Variants in SHISA9 observed in about 807,000 individuals in gnomAD.
SHISA9 encodes protein shisa-9.
In SHISA9, 13 loss-of-function variants were observed where a neutral mutation model predicts 38.0. That is an observed-to-expected ratio of 0.34 (90% CI 0.22 to 0.54). The LOEUF (loss-of-function observed/expected upper bound fraction) is 0.54. Among genes scored for constraint, SHISA9 ranks in the 20% least tolerant of loss-of-function variants. The pLI is 0.91. For missense variants in SHISA9, 538 were observed against 575.8 expected, an observed-to-expected ratio of 0.93 and a Z score of 0.67; for synonymous variants, 275 against 242.0, an observed-to-expected ratio of 1.14 and a Z score of -1.27.
At chr16:13,252,975 T>G in the SHISA9 span, among the ~76,000 whole-genome samples, 1 of 152,194 alleles carries the variant, frequency 6.6e-6, no homozygotes, top group Non-Finnish European at 1.5e-5. Flanking sequence ...CTCTTCTCAC[T>G]CCTCTTCTTT....
intron 2 of SHISA9, among the ~76,000 whole-genome samples, chr16:12,927,144 T>C (rs1482460684): frequency 6.6e-6 from 1 of 152,152 alleles, no homozygotes; most frequent in East Asian, 1.9e-4. Context: ...TCGTAATACA[T>C]ATATTAAAAT....
chr16:13,036,926 T>C (rs2073074415), intron 2 of SHISA9, among the ~76,000 whole-genome samples: 1 of 152,160 alleles, frequency 6.6e-6, no homozygotes, highest in Admixed American at 6.6e-5. Flanking sequence ...AAGCCCTATT[T>C]ATATGAATTA....
intron 2 of SHISA9, among the ~76,000 whole-genome samples, chr16:13,121,960 A>C (rs2050215634): frequency 1.3e-5 from 2 of 152,082 alleles, no homozygotes; most frequent in African/African-American, 4.8e-5. Context: ...AATGATAATA[A>C]AAGCAATCCC....
At chr16:13,072,267 A>T (rs1228820543) in intron 2 of SHISA9, among the ~76,000 whole-genome samples, 1 of 152,200 alleles carries the variant, frequency 6.6e-6, no homozygotes, top group African/African-American at 2.4e-5. Flanking sequence ...GATCAAAGTT[A>T]ATGAAGCCTG....
At chr16:13,037,080 ACAC>A (rs879407851) in intron 2 of SHISA9, among the ~76,000 whole-genome samples, 3,845 of 100,492 alleles carry the variant, frequency 0.038, 264 homozygotes, top group African/African-American at 0.12. Flanking sequence ...ACACACACAC[ACAC>A]CACACCACAC....
At chr16:13,445,110 C>T in the SHISA9 span, among the ~76,000 whole-genome samples, 1 of 150,962 alleles carries the variant, frequency 6.6e-6, no homozygotes, top group East Asian at 2.0e-4. Context: ...AGTCCACCCA[C>T]CTCGGCCTCC....
At chr16:13,015,000 A>G (rs532992505) in intron 2 of SHISA9, among the ~76,000 whole-genome samples, 1 of 152,190 alleles carries the variant, frequency 6.6e-6, no homozygotes, top group Non-Finnish European at 1.5e-5. Context: ...ATCCTAATAA[A>G]TGGCTGGTTA....
the SHISA9 span, among the ~76,000 whole-genome samples, chr16:13,516,482 T>G: frequency 6.6e-6 from 1 of 152,104 alleles, no homozygotes; most frequent in African/African-American, 2.4e-5. Flanking sequence ...ACTGAAAAGG[T>G]ATTTGTGGGA....
chr16:13,364,149 G>A, the SHISA9 span, among the ~76,000 whole-genome samples: 8 of 152,354 alleles, frequency 5.3e-5, no homozygotes, highest in East Asian at 1.5e-3. Flanking sequence ...CATCTTTATT[G>A]TCATTGGCTT....
intron 2 of SHISA9, among the ~76,000 whole-genome samples, chr16:13,181,902 G>A (rs935706521): frequency 6.6e-6 from 1 of 152,182 alleles, no homozygotes; most frequent in African/African-American, 2.4e-5. Flanking sequence ...AAGGGAACCA[G>A]CAAAGAATGA....
the SHISA9 span, among the ~76,000 whole-genome samples, chr16:13,290,453 G>A: frequency 6.6e-6 from 1 of 152,000 alleles, no homozygotes; most frequent in Non-Finnish European, 1.5e-5. Context: ...GATGGAAGCT[G>A]ATTTCAAAAC....
intron 2 of SHISA9, among the ~76,000 whole-genome samples, chr16:12,984,824 C>A (rs2072285655): frequency 6.6e-6 from 1 of 152,152 alleles, no homozygotes; most frequent in Non-Finnish European, 1.5e-5. Context: ...GCTGCTGGAG[C>A]CACCCTATAT....
At chr16:13,458,827 AAATT>A in the SHISA9 span, 54 of 179,248 alleles carry the variant, frequency 3.0e-4, no homozygotes, top group African/African-American at 1.2e-3. Flanking sequence ...GACTTCCAAT[AAATT>A]CTCGGGTTTT....
chr16:13,489,975 A>G, the SHISA9 span, among the ~76,000 whole-genome samples: 1 of 152,210 alleles, frequency 6.6e-6, no homozygotes, highest in South Asian at 2.1e-4. Context: ...AAAAAGAGGC[A>G]TGCATGGGAT....
intron 2 of SHISA9, among the ~76,000 whole-genome samples, chr16:13,149,934 A>G (rs2050482517): frequency 1.8e-5 from 2 of 111,456 alleles, no homozygotes; most frequent in South Asian, 7.3e-4. Flanking sequence ...CAAAAAAAAG[A>G]AAAAAAAAAA....
At chr16:13,162,873 C>T (rs1182157172) in intron 2 of SHISA9, among the ~76,000 whole-genome samples, 1 of 151,932 alleles carries the variant, frequency 6.6e-6, no homozygotes, top group Non-Finnish European at 1.5e-5. Context: ...GGGTTTTGAG[C>T]ACATCTTATT....
Position 13,235,518 on chromosome 16 carries a change from A to T in SHISA9, c.*109A>T. The T allele has an allele frequency of 7.6e-7, 1 of 1,309,552 alleles. No homozygotes were observed. Among genetic ancestry groups the T allele is most frequent in the Non-Finnish European group, 1.0e-6 (1 of 983,000 alleles). 81.1% of individuals were successfully genotyped at this position (1,309,552 alleles called of 1,614,324 possible). ...CCCTAATACATGCGTCCACACACTC[A>T]CTCTCAACAAGAACCAACTCTAAAC... On this transcript the variant is annotated 3_prime_UTR_variant, in exon 5 of 5. Transcript: ENST00000558583.
chr16:13,213,102 G>C, intron 3 of SHISA9, 151 bp from the exon 4 acceptor site: 1 of 633,538 alleles, frequency 1.6e-6, no homozygotes. Flanking sequence ...TTTCACACGT[G>C]GCTCCCTTCC....
At chr16:13,455,480 G>A in the SHISA9 span, among the ~76,000 whole-genome samples, 1 of 152,220 alleles carries the variant, frequency 6.6e-6, no homozygotes, top group Non-Finnish European at 1.5e-5. Flanking sequence ...TGACACAAAT[G>A]TTCACATGGT....
Sources: allele counts gnomAD v4.1 joint callset (sites outside exome capture counted in the v4.1 genomes callset), GRCh38; gene constraint gnomAD v4.1.1; transcripts MANE v1.5; gene names NCBI Gene and HGNC (gene_info 2026-07-23, HGNC 2026-07-21).